SECTM1: variants seen among roughly 807,000 people sequenced by gnomAD.
SECTM1 encodes the protein secreted and transmembrane protein 1.
SECTM1 carries 10 observed loss-of-function variants against 18.1 expected under a neutral mutation model. The observed-to-expected ratio is 0.55, with a 90% CI of 0.34 to 0.94. The LOEUF (loss-of-function observed/expected upper bound fraction) is 0.94, where lower values mean the gene tolerates loss of function less well. Ranked by LOEUF, SECTM1 falls within the 40% of genes least tolerant of loss-of-function variation. The pLI, the probability that SECTM1 is intolerant of heterozygous loss-of-function variation, is 0.02. For missense variants in SECTM1, 297 were observed against 322.6 expected, an observed-to-expected ratio of 0.92 and a Z score of 0.61; for synonymous variants, 137 against 139.2, an observed-to-expected ratio of 0.98 and a Z score of 0.11.
intron 1 of SECTM1, among the ~76,000 whole-genome samples, chr17:82,331,032 G>C (rs946134763): frequency 6.6e-6 from 1 of 152,158 alleles, no homozygotes; most frequent in Non-Finnish European, 1.5e-5. Flanking sequence ...ACCTTCACCA[G>C]CTCCCCACTG....
At position 82,329,076 on chromosome 17, in the gene SECTM1, C is replaced by A. The variant is rs1443239146; in HGVS notation, c.-52-1784G>T. On this transcript the variant is annotated intron_variant, in intron 1 of 4. Transcript: ENST00000269389. This position sits in a 1 kb window ranked among gnomAD's most constrained non-coding sequence, Gnocchi z 7.6. ...GGACACGTCACCAACCCCGGGGACCCCATGTTACCAGGGGTCCTCCTGGAG... is the reference window on the plus strand; with the variant it reads ...GGACACGTCACCAACCCCGGGGACCACATGTTACCAGGGGTCCTCCTGGAG... Among the ~76,000 whole-genome samples the A allele has an allele frequency of 6.6e-6, 1 of 150,476 alleles. No homozygotes were observed. Among genetic ancestry groups the A allele is most frequent in the Admixed American group, 6.6e-5 (1 of 15,134 alleles).
In SECTM1 at chr17:82,325,445, T is replaced by TCCAGCCTGTCCTTGTGGGGC. The variant is rs1451009084; in HGVS notation, c.95-575_95-556dup. 3.3e-5 allele frequency among the ~76,000 whole-genome samples: 5 copies of TCCAGCCTGTCCTTGTGGGGC among 152,206 alleles called. No homozygotes were observed. The highest frequency in any genetic ancestry group is 6.5e-5 in the Admixed American group (1 of 15,286). On this transcript the variant is annotated intron_variant, in intron 2 of 4. Transcript: ENST00000269389. The surrounding 1 kb of genome is among the most constrained non-coding windows in gnomAD (Gnocchi z 7.6). ...AGAGGCAAGCAGAGCAGACATGGGT[T>TCCAGCCTGTCCTTGTGGGGC]CCAGCCTGTCCTTGTGGGGCCCAGC...
In SECTM1 at chr17:82,328,303, C is replaced by A. The variant is rs6502097; in HGVS notation, c.-52-1011G>T. The A allele has an allele frequency of 6.6e-6, 1 of 152,056 alleles. No individual in the cohort carries two copies. Among genetic ancestry groups the A allele is most frequent in the Non-Finnish European group, 1.5e-5 (1 of 68,050 alleles). 9.4% of individuals were successfully genotyped at this position (152,056 alleles called of 1,614,324 possible). A position where few individuals can be genotyped will look rare whatever the true frequency, so the allele number is the denominator to read the frequency against. ...CACCCACGGTGCTGGGGGAGGGCCCCACAGGCAGTGATGAGCCTCTCACAG... is the reference window on the plus strand; with the variant it reads ...CACCCACGGTGCTGGGGGAGGGCCCAACAGGCAGTGATGAGCCTCTCACAG... On this transcript the variant is annotated intron_variant, in intron 1 of 4. Coordinates refer to ENST00000269389, the MANE Select transcript of SECTM1 (RefSeq NM_003004.3). The surrounding 1 kb of genome is among the most constrained non-coding windows in gnomAD (Gnocchi z 5.8).
chr17:82,332,543 G>T (rs1363988267), intron 1 of SECTM1, among the ~76,000 whole-genome samples: 1 of 152,172 alleles, frequency 6.6e-6, no homozygotes, highest in Non-Finnish European at 1.5e-5. Flanking sequence ...TGCTGCAGGG[G>T]CTCAGGGAAC....
chr17:82,321,998 AGGG>A lies in SECTM1; in HGVS notation c.*160_*162del, dbSNP rs2052094413. The A allele has an allele frequency of 1.5e-5, 9 of 607,360 alleles. No homozygotes were observed. Among genetic ancestry groups the A allele is most frequent in the Non-Finnish European group, 2.3e-5 (8 of 347,744 alleles). The allele number at this position is 607,360 out of a possible 1,614,324, so 37.6% of individuals were successfully genotyped here. A position where few individuals can be genotyped will look rare whatever the true frequency, so the allele number is the denominator to read the frequency against. On this transcript the variant is annotated 3_prime_UTR_variant, in exon 5 of 5. Transcript: ENST00000269389. ...AGAGCTTGGAAGACCTGGGGGGTGG[AGGG>A]GAAGGGTCTGCACGCACCCAGGAGT...
intron 1 of SECTM1, among the ~76,000 whole-genome samples, chr17:82,331,087 G>A (rs534842166): frequency 1.3e-5 from 2 of 152,214 alleles, no homozygotes; most frequent in African/African-American, 2.4e-5. Context: ...CCAGCCAGGG[G>A]TGAAGGGCGG....
chr17:82,324,541 T>TCCCCCC, intron 3 of SECTM1, 41 bp downstream of exon 3: 1 of 163,036 alleles, frequency 6.1e-6, no homozygotes, highest in Non-Finnish European at 9.7e-6. Context: ...CCGTGTCCCC[T>TCCCCCC]CTCACTCCCC....
rs371274098 is a variant in SECTM1 at position 82,327,196 on chromosome 17, G to A, written c.45C>T (p.Ala15=). Residue 15 remains alanine (A), a synonymous_variant, in exon 2 of 5, where the codon GCC becomes GCT. Transcript: ENST00000269389. ...CAGCCAAAAACAGGAGGGTCCCAAG[G>A]GCCTGGGAAACGTGGCCAGGGAATG... is the stretch of plus-strand genomic sequence containing the variant. The part of the protein sequence containing the change: ...PLAFPGHVSQ[A]LGTLLFLAAS... 1.1e-5 allele frequency: 18 copies of A among 1,612,818 alleles called. No homozygotes were observed. The African/African-American group carries it at 1.2e-4, about 11-fold the overall frequency.
At chr17:82,332,040 G>C (rs1443036118) in intron 1 of SECTM1, among the ~76,000 whole-genome samples, 1 of 152,240 alleles carries the variant, frequency 6.6e-6, no homozygotes, top group Non-Finnish European at 1.5e-5. Flanking sequence ...TACTTGGGAG[G>C]CTGAGGCAGG....
intron 2 of SECTM1, 39 bp downstream of exon 2, chr17:82,327,108 C>A: frequency 6.5e-7 from 1 of 1,527,218 alleles, no homozygotes; most frequent in Non-Finnish European, 9.0e-7. Context: ...CCACCGGGCC[C>A]CCCTTTCCCC....
intron 1 of SECTM1, 115 bp from the exon 2 acceptor site, chr17:82,327,407 A>T: frequency 1.6e-6 from 1 of 624,522 alleles, no homozygotes; most frequent in South Asian, 1.9e-5. Context: ...CTCTTCCCCG[A>T]CCTGCTCTGG....
chr17:82,322,062 G>C lies in SECTM1; in HGVS notation c.*99C>G. On this transcript the variant is annotated 3_prime_UTR_variant, in exon 5 of 5. Coordinates refer to ENST00000269389, the MANE Select transcript of SECTM1 (RefSeq NM_003004.3). ...GAGGCCCAGCCTGCCAAGCAAGCCG[G>C]TGTCTGTGCCCTCCGGGTGGGACGA... 8.4e-7 allele frequency: 1 copy of C among 1,196,094 alleles called. No homozygotes were observed. The highest frequency in any genetic ancestry group is 1.2e-6 in the Non-Finnish European group (1 of 820,818). The allele number at this position is 1,196,094 out of a possible 1,614,324, so 74.1% of individuals were successfully genotyped here. A position where few individuals can be genotyped will look rare whatever the true frequency, so the allele number is the denominator to read the frequency against.
rs1485826591 is a variant in SECTM1 at position 82,329,888 on chromosome 17, C to A, written c.-52-2596G>T. ...AGACCCTGTGATGGCATCAAGGGCCCCCCTGGGTGACCCAGGACACATGCC... is the reference window on the plus strand; with the variant it reads ...AGACCCTGTGATGGCATCAAGGGCCACCCTGGGTGACCCAGGACACATGCC... On this transcript the variant is annotated intron_variant, in intron 1 of 4. Coordinates refer to ENST00000269389, the MANE Select transcript of SECTM1 (RefSeq NM_003004.3). The surrounding 1 kb of genome is among the most constrained non-coding windows in gnomAD (Gnocchi z 7.6). 6.6e-6 allele frequency among the ~76,000 whole-genome samples: 1 copy of A among 152,168 alleles called. No homozygotes were observed. Among genetic ancestry groups the A allele is most frequent in the East Asian group, 1.9e-4 (1 of 5,188 alleles).
chr17:82,323,993 G>GGGCAGGACCGT (rs1182555311), intron 3 of SECTM1, among the ~76,000 whole-genome samples: 1 of 151,984 alleles, frequency 6.6e-6, no homozygotes, highest in African/African-American at 2.4e-5. Context: ...GGGAGGGGCG[G>GGGCAGGACCGT]GGCAGGACCG....
In SECTM1 at chr17:82,322,233, G is replaced by A. The variant is rs767492763; in HGVS notation, c.675C>T (p.Phe225=). ...CCAGGGCTCCAAGTGGTGAGGGTTT[G>A]AACACCAGTGCCAGCGGCCTTGGGG... ...EPTPRPLALV[F]KPSPLGALEL... The change falls in exon 5 of 5, where the codon TTC becomes TTT. Residue 225 remains phenylalanine, a synonymous_variant. Coordinates refer to ENST00000269389, the MANE Select transcript of SECTM1 (RefSeq NM_003004.3). The A allele has an allele frequency of 6.2e-7, 1 of 1,612,122 alleles. No homozygotes were observed. Among genetic ancestry groups the A allele is most frequent in the East Asian group, 2.2e-5 (1 of 44,832 alleles).
Position 82,327,291 on chromosome 17 carries a change from C to A in SECTM1, c.-51G>T. On this transcript the variant is annotated splice_region_variant and 5_prime_UTR_variant, in exon 2 of 5. Coordinates refer to ENST00000269389, the MANE Select transcript of SECTM1 (RefSeq NM_003004.3). ...CCTTGTCACTGGCTCTTGAAACACT[C>A]CCTGGAGGAAGGAAAGCCCATGGGT... 6.7e-7 allele frequency: 1 copy of A among 1,503,278 alleles called. No homozygotes were observed. Among genetic ancestry groups the A allele is most frequent in the Non-Finnish European group, 9.1e-7 (1 of 1,101,048 alleles). The allele number at this position is 1,503,278 out of a possible 1,614,324, so 93.1% of individuals were successfully genotyped here.
At position 82,328,809 on chromosome 17, in the gene SECTM1, G is replaced by A. The variant is rs999599879; in HGVS notation, c.-52-1517C>T. ...CGGCTGGGGCAAGGGTTCGTGGCCA[G>A]GCTGCCCTGCCTCTCGGGTGCCTGC... On this transcript the variant is annotated intron_variant, in intron 1 of 4. Transcript: ENST00000269389. This position sits in a 1 kb window ranked among gnomAD's most constrained non-coding sequence, Gnocchi z 5.8. Among the ~76,000 whole-genome samples the A allele has an allele frequency of 6.6e-6, 1 of 152,144 alleles. No individual in the cohort carries two copies. The highest frequency in any genetic ancestry group is 2.1e-4 in the South Asian group (1 of 4,830).
At chr17:82,323,156 G>C in intron 3 of SECTM1, 145 bp from the exon 4 acceptor site, 2 of 962,072 alleles carry the variant, frequency 2.1e-6, no homozygotes, top group South Asian at 3.4e-5. Flanking sequence ...TGCCCAGGAG[G>C]TACAGGGGTG....
chr17:82,329,886 C>A lies in SECTM1; in HGVS notation c.-52-2594G>T. 6.6e-6 allele frequency among the ~76,000 whole-genome samples: 1 copy of A among 152,152 alleles called. No individual in the cohort carries two copies. The highest frequency in any genetic ancestry group is 2.4e-5 in the African/African-American group (1 of 41,424). ...GGAGACCCTGTGATGGCATCAAGGG[C>A]CCCCCTGGGTGACCCAGGACACATG... On this transcript the variant is annotated intron_variant, in intron 1 of 4. Transcript: ENST00000269389. This position sits in a 1 kb window ranked among gnomAD's most constrained non-coding sequence, Gnocchi z 7.6.
Sources: allele counts gnomAD v4.1 joint callset (sites outside exome capture counted in the v4.1 genomes callset), GRCh38; gene constraint gnomAD v4.1.1; non-coding constraint Gnocchi (gnomAD v3.1); transcripts MANE v1.5; gene names NCBI Gene and HGNC (gene_info 2026-07-23, HGNC 2026-07-21).